SOX5: variants seen among roughly 807,000 people sequenced by gnomAD.
SOX5 encodes the protein transcription factor SOX-5.
SOX5 carries 9 observed loss-of-function variants against 92.0 expected under a neutral mutation model. The ratio of observed to expected loss-of-function variants is 0.10; its 90% CI spans 0.06 to 0.17. SOX5 has a LOEUF of 0.17. Ranked by LOEUF, SOX5 falls within the 10% of genes least tolerant of loss-of-function variation. SOX5 has a pLI of 1.00. For missense variants in SOX5, 642 were observed against 944.5 expected (o/e 0.68, Z 4.20); for synonymous variants, 344 against 336.3 (o/e 1.02, Z -0.25).
intron 4 of SOX5, among the ~76,000 whole-genome samples, chr12:24,035,237 T>C (rs556775418): frequency 1.3e-5 from 2 of 152,238 alleles, no homozygotes; most frequent in South Asian, 2.1e-4. Flanking sequence ...GCATCTACTT[T>C]TTAATTTTAC....
chr12:24,094,108 G>A (rs567347728), intron 4 of SOX5, among the ~76,000 whole-genome samples: 26 of 151,964 alleles, frequency 1.7e-4, no homozygotes, highest in East Asian at 5.8e-4. Flanking sequence ...CACCATGCCC[G>A]GCTAATTTTT....
At chr12:23,888,862 G>A (rs79220173) in intron 2 of SOX5, among the ~76,000 whole-genome samples, 3,513 of 152,156 alleles carry the variant, frequency 0.023, 139 homozygotes, top group African/African-American at 0.08. Context: ...ACAAATACTC[G>A]CTTGTCAGCA....
chr12:24,075,661 A>G (rs1942482091), intron 4 of SOX5, among the ~76,000 whole-genome samples: 1 of 152,042 alleles, frequency 6.6e-6, no homozygotes, highest in Non-Finnish European at 1.5e-5. Flanking sequence ...TTTTTTTTAA[A>G]AAAGACATGA....
intron 6 of SOX5, among the ~76,000 whole-genome samples, chr12:23,687,738 T>A (rs944999349): frequency 2.6e-5 from 4 of 151,944 alleles, no homozygotes; most frequent in African/African-American, 9.7e-5. Context: ...ACACACTGAA[T>A]AATGAGCTCA....
At chr12:23,754,497 G>A (rs775825542) in intron 4 of SOX5, among the ~76,000 whole-genome samples, 2 of 151,718 alleles carry the variant, frequency 1.3e-5, no homozygotes, top group Non-Finnish European at 2.9e-5. Context: ...TGTAGATTTT[G>A]GTTACTGAAT....
At chr12:24,174,555 T>G (rs1178493861) in intron 4 of SOX5, among the ~76,000 whole-genome samples, 4 of 152,162 alleles carry the variant, frequency 2.6e-5, no homozygotes, top group Non-Finnish European at 5.9e-5. Flanking sequence ...GAAATAATTT[T>G]TCTGCCTTAA....
chr12:23,709,089 C>G (rs1567133141), intron 6 of SOX5, among the ~76,000 whole-genome samples: 1 of 151,952 alleles, frequency 6.6e-6, no homozygotes, highest in African/African-American at 2.4e-5. Context: ...TTCAGGGAAT[C>G]TTTTATTTTT....
At chr12:24,073,307 G>C (rs1225064468) in intron 4 of SOX5, among the ~76,000 whole-genome samples, 1 of 152,100 alleles carries the variant, frequency 6.6e-6, no homozygotes, top group Non-Finnish European at 1.5e-5. Context: ...TCTTGTAAAA[G>C]AATAACCACC....
intron 4 of SOX5, among the ~76,000 whole-genome samples, chr12:24,089,996 C>T (rs888974388): frequency 2.6e-5 from 4 of 151,920 alleles, no homozygotes; most frequent in South Asian, 2.1e-4. Flanking sequence ...GGAATCAATA[C>T]GTAAGACCAC....
intron 9 of SOX5, chr12:23,584,425 G>C: frequency 1.3e-6 from 1 of 788,974 alleles, no homozygotes; most frequent in South Asian, 1.4e-5. Flanking sequence ...TACGCAGATA[G>C]GCCATCTTTA....
At chr12:23,989,147 G>C (rs922906165) in intron 4 of SOX5, among the ~76,000 whole-genome samples, 4 of 149,164 alleles carry the variant, frequency 2.7e-5, no homozygotes, top group African/African-American at 9.9e-5. Context: ...GCCAAGGCAG[G>C]TAGATCACCT....
intron 2 of SOX5, among the ~76,000 whole-genome samples, chr12:24,343,965 T>C (rs1565947074): frequency 6.6e-6 from 1 of 152,082 alleles, no homozygotes. Context: ...GACTTGAGAA[T>C]AAGTTTTCAT....
At chr12:24,501,127 C>T (rs182048128) in intron 1 of SOX5, among the ~76,000 whole-genome samples, 183 of 152,254 alleles carry the variant, frequency 1.2e-3, no homozygotes, top group African/African-American at 4.1e-3. Flanking sequence ...AGAGACTGTG[C>T]CACAATTTTA....
intron 3 of SOX5, among the ~76,000 whole-genome samples, chr12:23,843,245 G>A (rs2096538451): frequency 6.6e-6 from 1 of 152,060 alleles, no homozygotes; most frequent in Non-Finnish European, 1.5e-5. Context: ...TAAATATAAT[G>A]TGTTACCCTT....
chr12:23,650,032 C>T (rs2081356601), intron 7 of SOX5, among the ~76,000 whole-genome samples: 1 of 151,932 alleles, frequency 6.6e-6, no homozygotes, highest in South Asian at 2.1e-4. Flanking sequence ...TTTTGTTTTG[C>T]CTCCTTGACA....
At chr12:23,738,723 T>A (rs1322225716) in intron 5 of SOX5, among the ~76,000 whole-genome samples, 1 of 152,110 alleles carries the variant, frequency 6.6e-6, no homozygotes, top group African/African-American at 2.4e-5. Context: ...CCAAAGCAAA[T>A]AGGGGTTATC....
intron 10 of SOX5, among the ~76,000 whole-genome samples, chr12:23,571,200 C>T (rs1027083336): frequency 2.0e-5 from 3 of 151,180 alleles, no homozygotes; most frequent in Non-Finnish European, 4.4e-5. Context: ...TGTAAACTAA[C>T]AAACTTTCAA....
chr12:24,173,301 C>T (rs1954412391), intron 4 of SOX5, among the ~76,000 whole-genome samples: 1 of 152,224 alleles, frequency 6.6e-6, no homozygotes. Context: ...AAATCAGGGC[C>T]TGGTTCCCGT....
At chr12:23,958,851 A>G (rs1238963883) in intron 4 of SOX5, among the ~76,000 whole-genome samples, 2 of 151,850 alleles carry the variant, frequency 1.3e-5, no homozygotes, top group African/African-American at 4.8e-5. Flanking sequence ...AAACCCTATG[A>G]GAATTTAGAA....
Sources: gnomAD v4.1 joint callset for allele counts (sites outside exome capture counted in the v4.1 genomes callset) on GRCh38, gnomAD v4.1.1 for gene constraint, MANE v1.5 for transcripts, NCBI Gene and HGNC (gene_info 2026-07-23, HGNC 2026-07-21) for gene names.